Variants in RFTN1 observed in about 807,000 individuals in gnomAD.
RFTN1 encodes the protein raftlin, lipid raft linker 1.
A neutral mutation model predicts 46.5 loss-of-function variants in RFTN1; 26 were observed. That is an observed-to-expected ratio of 0.56 (90% CI 0.41 to 0.78). The LOEUF (loss-of-function observed/expected upper bound fraction) is 0.78, where lower values mean the gene tolerates loss of function less well. Among genes scored for constraint, RFTN1 ranks in the 30% least tolerant of loss-of-function variants. RFTN1 has a pLI of 0.00. For synonymous variants in RFTN1, 261 were observed against 284.2 expected (o/e 0.92, Z 0.82); for missense variants, 693 against 718.7 (o/e 0.96, Z 0.41).
Position 16,449,262 on chromosome 3 carries a change from G to A in RFTN1, c.146-15225C>T, listed in dbSNP as rs1333350245. Among the ~76,000 whole-genome samples, 1 of 152,198 alleles carries A rather than the reference G, an allele frequency of 6.6e-6. No individual in the cohort carries two copies. The highest frequency in any genetic ancestry group is 2.4e-5 in the African/African-American group (1 of 41,444). On this transcript the variant is annotated intron_variant, in intron 2 of 9. Coordinates refer to ENST00000334133, the MANE Select transcript of RFTN1 (RefSeq NM_015150.2). This position sits in a 1 kb window ranked among gnomAD's most constrained non-coding sequence, Gnocchi z 5.1. The stretch of plus-strand genomic sequence containing the variant: ...AGAAATCTGGAATTGAATTATAGGA[G>A]AGAAAGCTGATTATTCATCAAATCT...
At chr3:16,403,467 T>C (rs777418130) in intron 4 of RFTN1, among the ~76,000 whole-genome samples, 14 of 146,786 alleles carry the variant, frequency 9.5e-5, no homozygotes, top group Admixed American at 2.9e-4. Flanking sequence ...ATGAGGAGGA[T>C]TCCCTCTGCA....
chr3:16,357,122 AAAAAAAC>A (rs1223145943), intron 7 of RFTN1, among the ~76,000 whole-genome samples: 6 of 81,712 alleles, frequency 7.3e-5, no homozygotes, highest in South Asian at 3.0e-4. Context: ...CTCAAAAAAA[AAAAAAAC>A]AAAAAAACAA....
Position 16,512,635 on chromosome 3 carries a change from C to G in RFTN1, c.-9+807G>C, listed in dbSNP as rs1435596792. 6.6e-6 allele frequency: 1 copy of G among 151,964 alleles called. No homozygotes were observed. The highest frequency in any genetic ancestry group is 2.4e-5 in the African/African-American group (1 of 41,112). 9.4% of individuals were successfully genotyped at this position (151,964 alleles called of 1,614,324 possible). On this transcript the variant is annotated intron_variant, in intron 1 of 9. Coordinates refer to ENST00000334133, the MANE Select transcript of RFTN1 (RefSeq NM_015150.2). This position sits in a 1 kb window ranked among gnomAD's most constrained non-coding sequence, Gnocchi z 4.3. ...GCAGCGACACCGGAGGTGAAGGGCA[C>G]CAGCCCTGGCCTAGGACTGGGGTGC... is the stretch of plus-strand genomic sequence containing the variant.
chr3:16,461,827 T>C (rs1357547491), intron 2 of RFTN1, among the ~76,000 whole-genome samples: 2 of 152,234 alleles, frequency 1.3e-5, no homozygotes, highest in African/African-American at 4.8e-5. Flanking sequence ...AATATCAAAA[T>C]GCACAACAGC....
At chr3:16,488,508 C>T (rs560586144) in intron 2 of RFTN1, among the ~76,000 whole-genome samples, 1 of 152,146 alleles carries the variant, frequency 6.6e-6, no homozygotes, top group African/African-American at 2.4e-5. Context: ...AAATAAGCAT[C>T]GTCTCCATGA....
chr3:16,468,440 T>C lies in RFTN1; in HGVS notation c.145+25285A>G, dbSNP rs896146743. 2.0e-5 allele frequency among the ~76,000 whole-genome samples: 3 copies of C among 152,126 alleles called. No individual in the cohort carries two copies. Among genetic ancestry groups the C allele is most frequent in the Non-Finnish European group, 4.4e-5 (3 of 68,006 alleles). On this transcript the variant is annotated intron_variant, in intron 2 of 9. Coordinates refer to ENST00000334133, the MANE Select transcript of RFTN1 (RefSeq NM_015150.2). The surrounding 1 kb of genome is among the most constrained non-coding windows in gnomAD (Gnocchi z 4.4). ...ATCAGGCATCAGATCCTAACAACAC[T>C]GACAGAGTGAAGGGCACGTTTCTCC...
intron 7 of RFTN1, among the ~76,000 whole-genome samples, chr3:16,340,337 G>GAA (rs1262402466): frequency 6.6e-6 from 1 of 152,240 alleles, no homozygotes; most frequent in Non-Finnish European, 1.5e-5. Context: ...CTGCCATCCT[G>GAA]TGAAGAGGTT....
At chr3:16,388,329 G>C (rs1345038831) in intron 4 of RFTN1, among the ~76,000 whole-genome samples, 1 of 152,078 alleles carries the variant, frequency 6.6e-6, no homozygotes, top group Non-Finnish European at 1.5e-5. Context: ...AACTGTTCCT[G>C]GTACACAGTA....
chr3:16,496,178 C>T (rs561262466), intron 1 of RFTN1, among the ~76,000 whole-genome samples: 16 of 152,306 alleles, frequency 1.1e-4, no homozygotes, highest in Non-Finnish European at 1.5e-4. Context: ...GAGGAAGCCC[C>T]GATTTGTAGT....
chr3:16,467,771 A>G (rs2076125710), intron 2 of RFTN1, among the ~76,000 whole-genome samples: 1 of 152,220 alleles, frequency 6.6e-6, no homozygotes, highest in Non-Finnish European at 1.5e-5. Context: ...AGAAAGGAAT[A>G]AAGAAAGGAA....
At chr3:16,431,144 C>T (rs1039779878) in intron 3 of RFTN1, among the ~76,000 whole-genome samples, 1 of 152,194 alleles carries the variant, frequency 6.6e-6, no homozygotes, top group African/African-American at 2.4e-5. Flanking sequence ...GCCCCTTGCA[C>T]GACACTGCTT....
rs1430972592 is a variant in RFTN1, at chr3:16,504,379, A to G, written c.-9+9063T>C. On this transcript the variant is annotated intron_variant, in intron 1 of 9. Transcript: ENST00000334133. This position sits in a 1 kb window ranked among gnomAD's most constrained non-coding sequence, Gnocchi z 4.4. Reference sequence around the variant, plus strand: ...CCACCACCCTCATTTTCAGTTCCACACTGATTTTCTTAGCAACTACCCAAA... The same window carrying G: ...CCACCACCCTCATTTTCAGTTCCACGCTGATTTTCTTAGCAACTACCCAAA... 6.6e-6 allele frequency among the ~76,000 whole-genome samples: 1 copy of G among 152,208 alleles called. No homozygotes were observed. The highest frequency in any genetic ancestry group is 2.4e-5 in the African/African-American group (1 of 41,442).
At chr3:16,455,735 G>A in intron 2 of RFTN1, among the ~76,000 whole-genome samples, 1 of 152,160 alleles carries the variant, frequency 6.6e-6, no homozygotes. Context: ...TAACCAACTA[G>A]TAGAGTCAAA....
Position 16,400,757 on chromosome 3 carries a change from A to T in RFTN1, c.441+8618T>A. Among the ~76,000 whole-genome samples, 1 of 152,194 alleles carries T rather than the reference A, an allele frequency of 6.6e-6. No homozygotes were observed. The highest frequency in any genetic ancestry group is 1.9e-4 in the East Asian group (1 of 5,198). On this transcript the variant is annotated intron_variant, in intron 4 of 9. Coordinates refer to ENST00000334133, the MANE Select transcript of RFTN1 (RefSeq NM_015150.2). The surrounding 1 kb of genome is among the most constrained non-coding windows in gnomAD (Gnocchi z 4.5). ...GACAGAACAGGAAGATCACAGGCTAATAAAAATAGCAAGAGGACAGAGGAT... is the reference window on the plus strand; with the variant it reads ...GACAGAACAGGAAGATCACAGGCTATTAAAAATAGCAAGAGGACAGAGGAT...
chr3:16,354,876 G>A (rs757578258), intron 7 of RFTN1, among the ~76,000 whole-genome samples: 6 of 152,124 alleles, frequency 3.9e-5, no homozygotes, highest in African/African-American at 7.2e-5. Context: ...ATCCTAGTTC[G>A]TCCCTCTTTG....
intron 2 of RFTN1, 66 bp from the exon 3 acceptor site, chr3:16,434,103 C>T: frequency 7.3e-7 from 1 of 1,376,964 alleles, no homozygotes; most frequent in East Asian, 2.4e-5. Flanking sequence ...CTGCCCAAAC[C>T]CCTCTTCCCT....
Position 16,410,761 on chromosome 3 carries a change from T to C in RFTN1, c.333-1278A>G, listed in dbSNP as rs1246745909. 1.3e-5 allele frequency among the ~76,000 whole-genome samples: 2 copies of C among 152,118 alleles called. No homozygotes were observed. The highest frequency in any genetic ancestry group is 6.5e-5 in the Admixed American group (1 of 15,270). ...GGCTGCTTTCCAAAGCACCACCACA[T>C]AGACATCCCTGTGATACAGCACAGT... On this transcript the variant is annotated intron_variant, in intron 3 of 9. Transcript: ENST00000334133. The surrounding 1 kb of genome is among the most constrained non-coding windows in gnomAD (Gnocchi z 4.6).
In RFTN1 at chr3:16,337,775, A is replaced by C. The variant is rs1444621295; in HGVS notation, c.1147-10899T>G. ...AAAAAAAAGAAAAGAAAGTCACCTCATTTGATTTGAGAGAAATACAATGAT... is the reference window on the plus strand; with the variant it reads ...AAAAAAAAGAAAAGAAAGTCACCTCCTTTGATTTGAGAGAAATACAATGAT... On this transcript the variant is annotated intron_variant, in intron 7 of 9. Transcript: ENST00000334133. This position sits in a 1 kb window ranked among gnomAD's most constrained non-coding sequence, Gnocchi z 5.0. Among the ~76,000 whole-genome samples, 1 of 151,590 alleles carries C rather than the reference A, an allele frequency of 6.6e-6. No homozygotes were observed. Among genetic ancestry groups the C allele is most frequent in the Non-Finnish European group, 1.5e-5 (1 of 67,942 alleles).
Position 16,327,110 on chromosome 3 carries a change from C to T in RFTN1, c.1147-234G>A, listed in dbSNP as rs1288701536. Reference sequence around the variant, plus strand: ...AGTCTGTGATGTCAGCAAGGAATTACAGCCAAAAGATTAATCCATTAATTT... The same window carrying T: ...AGTCTGTGATGTCAGCAAGGAATTATAGCCAAAAGATTAATCCATTAATTT... On this transcript the variant is annotated intron_variant, in intron 7 of 9. Coordinates refer to ENST00000334133, the MANE Select transcript of RFTN1 (RefSeq NM_015150.2). The surrounding 1 kb of genome is among the most constrained non-coding windows in gnomAD (Gnocchi z 4.2). Among the ~76,000 whole-genome samples the T allele has an allele frequency of 1.3e-5, 2 of 152,206 alleles. No homozygotes were observed. Among genetic ancestry groups the T allele is most frequent in the Non-Finnish European group, 2.9e-5 (2 of 68,040 alleles).
Sources: gnomAD v4.1 joint callset for allele counts (sites outside exome capture counted in the v4.1 genomes callset) on GRCh38, gnomAD v4.1.1 for gene constraint, Gnocchi (gnomAD v3.1) non-coding constraint, MANE v1.5 for transcripts, NCBI Gene and HGNC (gene_info 2026-07-23, HGNC 2026-07-21) for gene names.